Variants in CTNNA2 observed in about 807,000 individuals in gnomAD.
CTNNA2 encodes the protein catenin alpha 2.
Under a neutral mutation model 101.0 loss-of-function variants are expected in CTNNA2, and 42 were observed. That is an observed-to-expected ratio of 0.42 (90% confidence interval 0.32 to 0.54). CTNNA2 has a LOEUF of 0.54. CTNNA2 is among the 20% of genes least tolerant of loss of function. The pLI is 0.14. For synonymous variants in CTNNA2, 450 were observed against 456.4 expected (o/e 0.99, Z 0.18); for missense variants, 871 against 1,223.1 (o/e 0.71, Z 4.29).
At chr2:80,254,202 A>C (rs1299250828) in intron 7 of CTNNA2, among the ~76,000 whole-genome samples, 1 of 152,222 alleles carries the variant, frequency 6.6e-6, no homozygotes, top group East Asian at 1.9e-4. Flanking sequence ...ATTCTTTATA[A>C]GTTTTTTTCT....
chr2:79,820,497 A>G (rs1006096100), intron 3 of CTNNA2, among the ~76,000 whole-genome samples: 2 of 152,158 alleles, frequency 1.3e-5, no homozygotes, highest in African/African-American at 4.8e-5. Context: ...ATGTCTTTCG[A>G]TTTACTCATA....
intron 4 of CTNNA2, among the ~76,000 whole-genome samples, chr2:79,458,106 G>A (rs1334561586): frequency 6.6e-6 from 1 of 152,148 alleles, no homozygotes; most frequent in Non-Finnish European, 1.5e-5. Flanking sequence ...AGCATCTCAG[G>A]AGGAATTAGT....
chr2:79,303,449 A>T (rs115262256), intron 2 of CTNNA2, among the ~76,000 whole-genome samples: 1 of 152,138 alleles, frequency 6.6e-6, no homozygotes, highest in South Asian at 2.1e-4. Context: ...AATGAGCTCC[A>T]GGGGAGGTGG....
chr2:79,746,069 A>G (rs528895433), intron 3 of CTNNA2, among the ~76,000 whole-genome samples: 1 of 150,884 alleles, frequency 6.6e-6, no homozygotes, highest in East Asian at 1.9e-4. Context: ...CCTCACCAAC[A>G]CTTGTTTTAT....
intron 4 of CTNNA2, among the ~76,000 whole-genome samples, chr2:79,502,026 T>C (rs144102591): frequency 3.5e-4 from 53 of 151,600 alleles, no homozygotes; most frequent in Non-Finnish European, 5.7e-4. Flanking sequence ...GAAGTTACTT[T>C]CAAGTGGATG....
chr2:80,116,902 A>AGTGTGTGT (rs112383959), intron 7 of CTNNA2, among the ~76,000 whole-genome samples: 16,922 of 143,490 alleles, frequency 0.12, 1,231 homozygotes, highest in East Asian at 0.34. Flanking sequence ...AGAAGAAAAT[A>AGTGTGTGT]GTGTGTGTGT....
intron 7 of CTNNA2, among the ~76,000 whole-genome samples, chr2:80,232,345 G>GTTTTTT (rs61454985): frequency 2.8e-4 from 18 of 64,790 alleles, no homozygotes; most frequent in East Asian, 6.8e-4. Context: ...TTGTTTGTTT[G>GTTTTTT]TTTTTTTTTT....
chr2:80,393,568 C>G lies in CTNNA2; in HGVS notation c.1137+277C>G, dbSNP rs1252717272. On this transcript the variant is annotated intron_variant, in intron 8 of 18. Transcript: ENST00000402739. Reference sequence around the variant, plus strand: ...CTGGATGAATTCACTACTTCTACATCTGGTCTTTAGTTTTCCAAATCCAGG... The same window carrying G: ...CTGGATGAATTCACTACTTCTACATGTGGTCTTTAGTTTTCCAAATCCAGG... 2.0e-5 allele frequency among the ~76,000 whole-genome samples: 3 copies of G among 152,312 alleles called. No individual in the cohort carries two copies. The East Asian group carries it at 5.8e-4, about 29-fold the overall frequency.
At chr2:80,439,611 G>A (rs1682373833) in intron 9 of CTNNA2, among the ~76,000 whole-genome samples, 2 of 152,078 alleles carry the variant, frequency 1.3e-5, no homozygotes, top group African/African-American at 2.4e-5. Flanking sequence ...ACGTTGGCCG[G>A]GCTGGTCTTG....
At chr2:79,466,979 T>G (rs1157066303) in intron 4 of CTNNA2, among the ~76,000 whole-genome samples, 6 of 152,080 alleles carry the variant, frequency 3.9e-5, no homozygotes, top group African/African-American at 1.4e-4. Flanking sequence ...CCTCTCCCCC[T>G]CCAAAGGAAT....
At chr2:79,688,401 A>G (rs943089578) in intron 2 of CTNNA2, among the ~76,000 whole-genome samples, 1 of 152,064 alleles carries the variant, frequency 6.6e-6, no homozygotes, top group Non-Finnish European at 1.5e-5. Flanking sequence ...ATGGCAACAA[A>G]TAAAGAGATA....
chr2:79,762,856 C>G (rs1473532844), intron 3 of CTNNA2, among the ~76,000 whole-genome samples: 3 of 152,220 alleles, frequency 2.0e-5, no homozygotes, highest in Non-Finnish European at 2.9e-5. Flanking sequence ...TTTTTCATAT[C>G]TCATGCATTT....
intron 7 of CTNNA2, among the ~76,000 whole-genome samples, chr2:80,151,791 C>T (rs912800338): frequency 6.6e-6 from 1 of 152,204 alleles, no homozygotes; most frequent in African/African-American, 2.4e-5. Flanking sequence ...CAAGGGTTGC[C>T]ATGCCTGATG....
chr2:79,404,598 TTTGA>T (rs2104484043), intron 4 of CTNNA2, among the ~76,000 whole-genome samples: 1 of 152,172 alleles, frequency 6.6e-6, no homozygotes, highest in African/African-American at 2.4e-5. Flanking sequence ...GGCAACTCGG[TTTGA>T]CTTAAAAGCA....
intron 8 of CTNNA2, among the ~76,000 whole-genome samples, chr2:80,405,284 CGAGTA>C (rs1678957682): frequency 6.6e-6 from 1 of 151,902 alleles, no homozygotes; most frequent in Non-Finnish European, 1.5e-5. Context: ...ATTTTTTTTC[CGAGTA>C]GAGTATTGAA....
Position 80,424,243 on chromosome 2 carries a change from C to T in CTNNA2, c.1290+4642C>T, listed in dbSNP as rs143308407. ...TGCTGGGATTACAGGCGTGAGCCAC[C>T]GTGCCCGGCCCAGCAAACATTCAAA... On this transcript the variant is annotated intron_variant, in intron 9 of 18. Coordinates refer to ENST00000402739, the MANE Select transcript of CTNNA2 (RefSeq NM_001282597.3). Among the ~76,000 whole-genome samples, 54 of 152,258 alleles carry T rather than the reference C, an allele frequency of 3.5e-4. 1 individual carries two copies. Among genetic ancestry groups the T allele is most frequent in the African/African-American group, 1.0e-3 (42 of 41,550 alleles).
intron 9 of CTNNA2, among the ~76,000 whole-genome samples, chr2:80,485,359 G>T (rs574497200): frequency 6.6e-6 from 1 of 152,260 alleles, no homozygotes; most frequent in East Asian, 1.9e-4. Context: ...TTACTTTTCT[G>T]ATAACTCCAT....
chr2:80,643,204 G>A (rs1417027097), intron 18 of CTNNA2, among the ~76,000 whole-genome samples: 1 of 152,080 alleles, frequency 6.6e-6, no homozygotes, highest in Non-Finnish European at 1.5e-5. Flanking sequence ...AGATTTTGAG[G>A]GCTGAGGATT....
chr2:80,207,087 T>C (rs1483481341), intron 7 of CTNNA2, among the ~76,000 whole-genome samples: 1 of 152,226 alleles, frequency 6.6e-6, no homozygotes, highest in African/African-American at 2.4e-5. Flanking sequence ...CTTCCCCTGA[T>C]AAATGAAGGG....
Sources: gnomAD v4.1 joint callset for allele counts (sites outside exome capture counted in the v4.1 genomes callset) on GRCh38, gnomAD v4.1.1 for gene constraint, MANE v1.5 for transcripts, NCBI Gene and HGNC (gene_info 2026-07-23, HGNC 2026-07-21) for gene names.